OTOG: variants seen among roughly 807,000 people sequenced by gnomAD.
OTOG encodes otogelin.
Under a neutral mutation model 313.8 loss-of-function variants are expected in OTOG, and 296 were observed. The ratio of observed to expected loss-of-function variants is 0.94; its 90% CI spans 0.86 to 1.04. The LOEUF is 1.04. Ranked by LOEUF, OTOG falls within the 50% of genes least tolerant of loss-of-function variation. The probability of loss-of-function intolerance (pLI) is 0.00; values close to 1 mark genes in which losing one functional copy is unlikely to be tolerated. For synonymous variants in OTOG, 1,533 were observed against 1,554.9 expected (o/e 0.99, Z 0.33); for missense variants, 3,948 against 3,840.1 (o/e 1.03, Z -0.74).
Position 17,561,678 on chromosome 11 carries a change from T to C in OTOG, c.1515T>C (p.Thr505=). 6.4e-7 allele frequency: 1 copy of C among 1,550,564 alleles called. No individual in the cohort carries two copies. The highest frequency in any genetic ancestry group is 1.2e-5 in the South Asian group (1 of 84,056). ...ACCTCTCAGCTGAGTGCTCAGTGAC[T>C]GGTGACATTCACTTCACAACCTTTG... ...TAVCPAECSV[T]GDIHFTTFDG... is the part of the protein sequence containing the mutation. Residue 505 remains threonine (T), a synonymous_variant, in exon 15 of 56, where the codon ACT becomes ACC. Transcript: ENST00000399397.
In OTOG at chr11:17,559,579, C is replaced by T; in HGVS notation, c.1259C>T (p.Ala420Val). The change falls in exon 12 of 56, where the codon GCC becomes GTC. Residue 420 changes from alanine (A) to valine (V), a missense_variant. Physicochemically the swap from Ala to Val is moderately conservative, Grantham distance 64. Coordinates refer to ENST00000399397, the MANE Select transcript of OTOG (RefSeq NM_001292063.2). ...GCCTTTACCTACAATGAGTGCATCG[C>T]CTGCTGCCCTGCCTCCTGCCATCCC... ...EKAFTYNECIACCPASCHPRA... is the reference protein window; with the variant it reads ...EKAFTYNECIVCCPASCHPRA... 1 of 1,550,794 alleles carries T rather than the reference C, an allele frequency of 6.4e-7. No individual in the cohort carries two copies. The highest frequency in any genetic ancestry group is 8.7e-7 in the Non-Finnish European group (1 of 1,147,036).
intron 15 of OTOG, among the ~76,000 whole-genome samples, chr11:17,564,934 C>T (rs1852267649): frequency 6.6e-6 from 1 of 152,148 alleles, no homozygotes; most frequent in South Asian, 2.1e-4. Context: ...GTTTGCAGCC[C>T]TCAAAGTGTT....
rs1432455219 is a variant in OTOG at position 17,557,315 on chromosome 11, C to T, written c.857C>T (p.Thr286Ile). 2 of 1,550,450 alleles carry T rather than the reference C, an allele frequency of 1.3e-6. No individual in the cohort carries two copies. Among genetic ancestry groups the T allele is most frequent in the Non-Finnish European group, 1.7e-6 (2 of 1,146,970 alleles). The part of the protein sequence containing the change: ...NNADPKDDLV[T>I]SSGKLTDDVV... ...GCTGACCCCAAGGATGATCTGGTGA[C>T]CAGCTCTGGTGAGGGTCAGACAGGT... The change falls in exon 8 of 56, where the codon ACC (threonine) becomes ATC (isoleucine). Residue 286 changes from threonine to isoleucine, a missense_variant. Physicochemically the swap from Thr to Ile is moderately conservative, Grantham distance 89. Transcript: ENST00000399397.
intron 39 of OTOG, among the ~76,000 whole-genome samples, chr11:17,618,942 T>A (rs1853797943): frequency 6.6e-6 from 1 of 152,222 alleles, no homozygotes; most frequent in African/African-American, 2.4e-5. Flanking sequence ...TTAATCCTTT[T>A]ACTTTAACCT....
chr11:17,575,625 C>T (rs1472042806), intron 20 of OTOG, among the ~76,000 whole-genome samples: 1 of 152,176 alleles, frequency 6.6e-6, no homozygotes, highest in East Asian at 1.9e-4. Context: ...TTCCAGGCCT[C>T]TGTTTCTCCG....
chr11:17,627,060 G>A (rs1854001144), intron 39 of OTOG, among the ~76,000 whole-genome samples: 1 of 152,132 alleles, frequency 6.6e-6, no homozygotes. Context: ...TATATCGTCT[G>A]CAAACAGGAT....
intron 40 of OTOG, among the ~76,000 whole-genome samples, chr11:17,629,980 C>T (rs537888026): frequency 1.8e-4 from 27 of 152,160 alleles, no homozygotes; most frequent in African/African-American, 6.0e-4. Context: ...CACTTACACA[C>T]ACACACACAC....
intron 28 of OTOG, among the ~76,000 whole-genome samples, chr11:17,594,521 G>T (rs538944996): frequency 1.3e-5 from 2 of 152,206 alleles, no homozygotes; most frequent in Non-Finnish European, 2.9e-5. Flanking sequence ...GACTGAGGTG[G>T]GTTGAGGCAA....
intron 41 of OTOG, 67 bp from the exon 42 acceptor site, chr11:17,632,021 G>C (rs377287647): frequency 3.2e-6 from 5 of 1,541,304 alleles, no homozygotes; most frequent in African/African-American, 2.7e-5. Flanking sequence ...TGGGCAGGGA[G>C]GGGAGGAGCT....
chr11:17,553,615 G>A (rs1589993593), intron 6 of OTOG, 96 bp downstream of exon 6: 2 of 1,153,536 alleles, frequency 1.7e-6, no homozygotes, highest in South Asian at 3.7e-5. Flanking sequence ...AGAGAGACTG[G>A]CACCTTCCTC....
chr11:17,639,476 T>C lies in OTOG; in HGVS notation c.7935+13T>C. On this transcript the variant is annotated intron_variant, in intron 49 of 55. Transcript: ENST00000399397. Reference sequence around the variant, plus strand: ...CCGGTGCCATCTGGTATGGAGACGCTCCTCCCCCAACACTCCCTGGTCTGC... The same window carrying C: ...CCGGTGCCATCTGGTATGGAGACGCCCCTCCCCCAACACTCCCTGGTCTGC... The C allele has an allele frequency of 6.4e-7, 1 of 1,550,454 alleles. No individual in the cohort carries two copies. Among genetic ancestry groups the C allele is most frequent in the Non-Finnish European group, 8.7e-7 (1 of 1,146,808 alleles).
At position 17,641,918 on chromosome 11, in the gene OTOG, C is replaced by T. The variant is rs61730948; in HGVS notation, c.8262C>T (p.Phe2754=). The T allele has an allele frequency of 4.0e-3, 6,272 of 1,550,294 alleles. 223 individuals carry two copies. The African/African-American group carries it at 0.073, about 18-fold the overall frequency. ...CCTGCAGGAACGTGTCCTGTCTCTT[C>T]ACCTTCCCCAATGGCACCACCTCCC... ...CGSCRNVSCL[F]TFPNGTTSLF... Residue 2754 remains phenylalanine (F), a synonymous_variant, in exon 52 of 56, where the codon TTC becomes TTT. Coordinates refer to ENST00000399397, the MANE Select transcript of OTOG (RefSeq NM_001292063.2).
intron 11 of OTOG, 74 bp from the exon 12 acceptor site, chr11:17,559,460 G>A (rs1388697352): frequency 1.8e-5 from 28 of 1,537,414 alleles, no homozygotes; most frequent in Non-Finnish European, 2.2e-5. Flanking sequence ...CTCACTCCAC[G>A]GCCTGGGGTA....
chr11:17,571,421 C>T (rs969712237), intron 17 of OTOG, among the ~76,000 whole-genome samples: 13 of 152,272 alleles, frequency 8.5e-5, no homozygotes, highest in African/African-American at 2.6e-4. Flanking sequence ...GACCTCCCTC[C>T]GCTCAACACC....
chr11:17,549,702 C>T (rs1851893043), intron 3 of OTOG, among the ~76,000 whole-genome samples: 2 of 152,120 alleles, frequency 1.3e-5, no homozygotes, highest in South Asian at 2.1e-4. Flanking sequence ...CTGTGGGTAT[C>T]CTCCCGTGCT....
rs146684686 is a variant in OTOG, at chr11:17,552,702, C to T, written c.293-417C>T. Among the ~76,000 whole-genome samples the T allele has an allele frequency of 8.1e-5, 12 of 148,432 alleles. No individual in the cohort carries two copies. The Admixed American group carries it at 8.1e-4, about 10-fold the overall frequency. The stretch of plus-strand genomic sequence containing the variant: ...GTTGTTCTTGCTACAGGCCTCTCCT[C>T]CATCGCCTGGTTACCCCCGTGGCTT... On this transcript the variant is annotated intron_variant, in intron 4 of 55. Transcript: ENST00000399397.
intron 39 of OTOG, among the ~76,000 whole-genome samples, chr11:17,615,109 C>A (rs1853688755): frequency 1.3e-5 from 2 of 152,186 alleles, no homozygotes; most frequent in Non-Finnish European, 2.9e-5. Flanking sequence ...CGTTTTTCTG[C>A]TTACTGATGA....
chr11:17,628,021 T>C (rs978051101), intron 39 of OTOG, among the ~76,000 whole-genome samples: 5 of 152,080 alleles, frequency 3.3e-5, no homozygotes, highest in Non-Finnish European at 7.4e-5. Flanking sequence ...AAACAAACTT[T>C]TAGTTTCATT....
In OTOG at chr11:17,609,781, C is replaced by T. The variant is rs1853478899; in HGVS notation, c.4481C>T (p.Thr1494Ile). ...TCACAGGAAAGCCCCAGGACCCCCA[C>T]CCACAGGCCAGCCCTCACCCCAGCT... is the stretch of plus-strand genomic sequence containing the variant. ...QLSQESPRTPTHRPALTPAAP... is the reference protein window; with the variant it reads ...QLSQESPRTPIHRPALTPAAP... The change falls in exon 36 of 56, where the codon ACC becomes ATC. Residue 1494 changes from threonine to isoleucine, a missense_variant. Thr to Ile is a moderately conservative substitution (Grantham distance 89). Transcript: ENST00000399397. 1 of 1,548,824 alleles carries T rather than the reference C, an allele frequency of 6.5e-7. No individual in the cohort carries two copies. The highest frequency in any genetic ancestry group is 1.4e-5 in the African/African-American group (1 of 72,970).
Sources: allele counts gnomAD v4.1 joint callset (sites outside exome capture counted in the v4.1 genomes callset), GRCh38; gene constraint gnomAD v4.1.1; transcripts MANE v1.5; gene names NCBI Gene and HGNC (gene_info 2026-07-23, HGNC 2026-07-21).